The following BAZ2A variants were observed in gnomAD, a reference collection of about 807,000 sequenced individuals.
BAZ2A encodes bromodomain adjacent to zinc finger domain 2A.
Under a neutral mutation model 199.9 loss-of-function variants are expected in BAZ2A, and 34 were observed. That is an observed-to-expected ratio of 0.17 (90% confidence interval 0.13 to 0.23). The LOEUF is 0.23. BAZ2A is among the 10% of genes least tolerant of loss of function. The pLI is 1.00. For synonymous variants in BAZ2A, 857 were observed against 883.9 expected, an observed-to-expected ratio of 0.97 and a Z score of 0.54; for missense variants, 2,002 against 2,391.1, an observed-to-expected ratio of 0.84 and a Z score of 3.39.
upstream of BAZ2A, among the ~76,000 whole-genome samples, chr12:56,632,676 A>G (rs911170242): frequency 1.3e-5 from 2 of 152,122 alleles, no homozygotes; most frequent in Admixed American, 6.5e-5. Flanking sequence ...GGGATTAGAA[A>G]AGAAAATGAG....
chr12:56,598,492 G>T lies in BAZ2A; in HGVS notation c.*126C>A. On this transcript the variant is annotated 3_prime_UTR_variant, in exon 29 of 29. Coordinates refer to ENST00000549884, the MANE Select transcript of BAZ2A (RefSeq NM_001300905.2). ...GGATGTGGGGCACTGCCAAGGGCAA[G>T]GTCAAAAATCAGGGTTGTATCTGAC... The T allele has an allele frequency of 1.6e-6, 2 of 1,263,068 alleles. No individual in the cohort carries two copies. The highest frequency in any genetic ancestry group is 2.2e-6 in the Non-Finnish European group (2 of 928,708). The allele number at this position is 1,263,068 out of a possible 1,614,324, so 78.2% of individuals were successfully genotyped here.
intron 1 of BAZ2A, chr12:56,621,262 G>A: frequency 1.0e-6 from 1 of 985,252 alleles, no homozygotes; most frequent in Non-Finnish European, 1.2e-6. Flanking sequence ...CTCTGGAAAA[G>A]CACAGCATAT....
At chr12:56,599,426 G>A (rs1886190056) in intron 26 of BAZ2A, 68 bp from the exon 27 acceptor site, 2 of 1,500,050 alleles carry the variant, frequency 1.3e-6, no homozygotes, top group African/African-American at 1.4e-5. Context: ...TACAATCTCT[G>A]CCTAAATATG....
chr12:56,635,580 AG>A lies in BAZ2A; in HGVS notation c.4+601del. Among the ~76,000 whole-genome samples the A allele has an allele frequency of 6.6e-6, 1 of 152,256 alleles. No homozygotes were observed. The highest frequency in any genetic ancestry group is 1.5e-5 in the Non-Finnish European group (1 of 68,008). On this transcript the variant is annotated intron_variant, in intron 1 of 29. Transcript: ENST00000379441. The surrounding 1 kb of genome is among the most constrained non-coding windows in gnomAD (Gnocchi z 4.1). ...CCCACTCAGTGCCCTCAGTGACTGT[AG>A]TGTGGGGGCCATCAATAGCAGCCCT...
rs1434061612 is a variant in BAZ2A, at chr12:56,597,584, C to CACACACACA, written c.*1033_*1034insTGTGTGTGT. ...CACGCACACACACACACACACACAG[C>CACACACACA]GCGCGCTCTGAGGCTGACACACACA... is the stretch of plus-strand genomic sequence containing the variant. On this transcript the variant is annotated 3_prime_UTR_variant, in exon 29 of 29. Transcript: ENST00000549884. 11 of 20,492 alleles carry CACACACACA rather than the reference C, an allele frequency of 5.4e-4. No individual in the cohort carries two copies. The East Asian group carries it at 7.8e-3, about 15-fold the overall frequency. 1.3% of individuals were successfully genotyped at this position (20,492 alleles called of 1,614,324 possible).
At chr12:56,602,569 G>C in intron 19 of BAZ2A, 144 bp downstream of exon 19, 2 of 1,124,284 alleles carry the variant, frequency 1.8e-6, no homozygotes, top group East Asian at 2.6e-5. Context: ...CAGGTGGGTA[G>C]GCAGCTTTAC....
upstream of BAZ2A, among the ~76,000 whole-genome samples, chr12:56,638,024 G>C (rs1951483197): frequency 6.6e-6 from 1 of 152,186 alleles, no homozygotes; most frequent in South Asian, 2.1e-4. Flanking sequence ...TGTAGCCCCA[G>C]CTACTCAGGA....
chr12:56,637,994 G>A (rs1951482797), upstream of BAZ2A, among the ~76,000 whole-genome samples: 2 of 152,156 alleles, frequency 1.3e-5, no homozygotes, highest in African/African-American at 4.8e-5. Flanking sequence ...CAGTGCTGGT[G>A]ATGTGAGACT....
In BAZ2A at chr12:56,606,703, A is replaced by C. The variant is rs761317361; in HGVS notation, c.2123T>G (p.Ile708Ser). Residue 708 changes from isoleucine to serine, a missense_variant, in exon 11 of 29, where the codon ATT becomes AGT. Transcript: ENST00000549884. ...CCTCATCTTCTTCTTGCTTTTAGCA[A>C]TCTTTGCTTTATCCTCCTCATTCAA... Reference protein sequence around the residue: ...ETLNEEDKAKIAKSKKKMRQK... With the variant: ...ETLNEEDKAKSAKSKKKMRQK... 1.9e-6 allele frequency: 3 copies of C among 1,613,820 alleles called. No individual in the cohort carries two copies. The East Asian group carries it at 6.7e-5, about 36-fold the overall frequency.
chr12:56,616,729 G>C (rs1950735440), intron 2 of BAZ2A, among the ~76,000 whole-genome samples: 1 of 152,172 alleles, frequency 6.6e-6, no homozygotes, highest in East Asian at 1.9e-4. Context: ...TCTGCTACAA[G>C]AAAGGAGGGA....
At chr12:56,599,603 C>T (rs1886218650) in intron 26 of BAZ2A, 99 bp downstream of exon 26, 4 of 1,531,774 alleles carry the variant, frequency 2.6e-6, no homozygotes, top group Non-Finnish European at 3.5e-6. Flanking sequence ...AACCCAGGTC[C>T]CCTAATACCC....
intron 1 of BAZ2A, among the ~76,000 whole-genome samples, chr12:56,625,203 T>G (rs1231851664): frequency 6.7e-6 from 1 of 148,400 alleles, no homozygotes; most frequent in Non-Finnish European, 1.5e-5. Context: ...TTGCCCAGGC[T>G]GGGGTGCAGT....
At chr12:56,605,539 A>C in intron 13 of BAZ2A, 1 of 624,062 alleles carries the variant, frequency 1.6e-6, no homozygotes, top group South Asian at 2.3e-5. Context: ...CTCCCACCTC[A>C]GTCTCTCAAA....
At chr12:56,610,605 G>T in intron 7 of BAZ2A, 88 bp from the exon 8 acceptor site, 2 of 1,136,966 alleles carry the variant, frequency 1.8e-6, no homozygotes, top group Non-Finnish European at 2.6e-6. Flanking sequence ...TGAGCAGATG[G>T]CCCTCCCCAC....
chr12:56,622,942 T>C (rs1950965010), intron 1 of BAZ2A, among the ~76,000 whole-genome samples: 1 of 152,084 alleles, frequency 6.6e-6, no homozygotes, highest in Non-Finnish European at 1.5e-5. Context: ...CATGGTTTAA[T>C]AGAAAAAGGC....
chr12:56,606,429 T>C (rs1592572579), intron 11 of BAZ2A, 117 bp from the exon 12 acceptor site: 1 of 1,294,014 alleles, frequency 7.7e-7, no homozygotes, highest in East Asian at 2.3e-5. Context: ...GAATGAGGGG[T>C]TGGCAATGGA....
Position 56,611,927 on chromosome 12 carries a change from C to T in BAZ2A, c.1455G>A (p.Thr485=), listed in dbSNP as rs748217670. The T allele has an allele frequency of 1.2e-5, 19 of 1,611,470 alleles. No individual in the cohort carries two copies. The highest frequency in any genetic ancestry group is 1.6e-4 in the Middle Eastern group (1 of 6,062). ...AGGCTTTTGGGGATGTCACTGAAGCCGTCAACGGGACTTCTAAGGAGACTG... is the reference window on the plus strand; with the variant it reads ...AGGCTTTTGGGGATGTCACTGAAGCTGTCAACGGGACTTCTAAGGAGACTG... ...LPAVSLEVPL[T]ASVTSPKASP... Residue 485 remains threonine (T), a synonymous_variant, in exon 6 of 29, where the codon ACG becomes ACA. Transcript: ENST00000549884.
chr12:56,616,459 C>A (rs1950725968), intron 2 of BAZ2A, among the ~76,000 whole-genome samples: 1 of 152,156 alleles, frequency 6.6e-6, no homozygotes, highest in Non-Finnish European at 1.5e-5. Context: ...GACAAGAACC[C>A]AGCTCAGAAG....
intron 1 of BAZ2A, among the ~76,000 whole-genome samples, chr12:56,625,045 T>C (rs1387025685): frequency 6.6e-6 from 1 of 152,102 alleles, no homozygotes; most frequent in Admixed American, 6.6e-5. Context: ...GTCACTTTAC[T>C]CTCAGAAGAC....
Sources: gnomAD v4.1 joint callset for allele counts (sites outside exome capture counted in the v4.1 genomes callset) on GRCh38, gnomAD v4.1.1 for gene constraint, Gnocchi (gnomAD v3.1) non-coding constraint, MANE v1.5 for transcripts, NCBI Gene and HGNC (gene_info 2026-07-23, HGNC 2026-07-21) for gene names.